CDK16: variants seen among roughly 807,000 people sequenced by gnomAD.
The protein encoded by CDK16 is cyclin-dependent kinase 16.
A neutral mutation model predicts 41.6 loss-of-function variants in CDK16; 2 were observed. The ratio of observed to expected loss-of-function variants is 0.05; its 90% CI spans 0.02 to 0.15. CDK16 has a LOEUF of 0.15. CDK16 is among the 10% of genes least tolerant of loss of function. The pLI is 1.00. For missense variants in CDK16, 228 were observed against 428.9 expected, an observed-to-expected ratio of 0.53 and a Z score of 4.14; for synonymous variants, 169 against 169.7, an observed-to-expected ratio of 1.00 and a Z score of 0.03.
rs765271897 is a variant in CDK16 at position 47,227,459 on chromosome X, A to G, written c.1365A>G (p.Lys455=). The change falls in exon 14 of 16, where the codon AAA becomes AAG. Residue 455 remains lysine (K), a synonymous_variant. Transcript: ENST00000357227. The part of the protein sequence containing the change: ...FFLSLGERIH[K]LPDTTSIFAL... ...TCAGTCTGGGGGAGCGGATCCACAA[A>G]CTTCCTGACAGTGAGTGGAGCTGGG... is the stretch of plus-strand genomic sequence containing the variant. The G allele has an allele frequency of 8.3e-7, 1 of 1,198,868 alleles. No individual in the cohort carries two copies. Among genetic ancestry groups the G allele is most frequent in the Admixed American group, 2.2e-5 (1 of 45,919 alleles).
chrX:47,219,095 C>T lies in CDK16; in HGVS notation c.-17C>T, dbSNP rs1937213779. 2 of 809,914 alleles carry T rather than the reference C, an allele frequency of 2.5e-6. No individual in the cohort carries two copies. The highest frequency in any genetic ancestry group is 1.4e-4 in the East Asian group (1 of 7,051). The allele number at this position is 809,914 out of a possible 1,213,427, so 66.7% of individuals were successfully genotyped here. A position where few individuals can be genotyped will look rare whatever the true frequency, so the allele number is the denominator to read the frequency against. ...CCCCGCGGCTCTGAGGTTGCTCGCG[C>T]GCCCCCGCCGGTGAGCGCGTCCCCG... On this transcript the variant is annotated 5_prime_UTR_variant, in exon 1 of 16. Coordinates refer to ENST00000357227, the MANE Select transcript of CDK16 (RefSeq NM_006201.5).
chrX:47,225,435 C>G (rs150592412), intron 6 of CDK16, among the ~76,000 whole-genome samples: 2 of 111,990 alleles, frequency 1.8e-5, no homozygotes, highest in African/African-American at 6.5e-5. Context: ...CGATTTCACG[C>G]GATGCTGCAG....
rs1361599346 is a variant in CDK16, at chrX:47,229,026, G to A, written c.*258G>A. Reference sequence around the variant, plus strand: ...TCTGTCTCTGTCTTGGTAGTTGCCGGTGGACAGCATGGCCGTGCCAGCCTC... The same window carrying A: ...TCTGTCTCTGTCTTGGTAGTTGCCGATGGACAGCATGGCCGTGCCAGCCTC... On this transcript the variant is annotated 3_prime_UTR_variant, in exon 16 of 16. Transcript: ENST00000357227. 1 of 458,760 alleles carries A rather than the reference G, an allele frequency of 2.2e-6. No individual in the cohort carries two copies. The highest frequency in any genetic ancestry group is 3.9e-6 in the Non-Finnish European group (1 of 253,750). The allele number at this position is 458,760 out of a possible 1,213,427, so 37.8% of individuals were successfully genotyped here. A position where few individuals can be genotyped will look rare whatever the true frequency, so the allele number is the denominator to read the frequency against.
chrX:47,225,111 C>G lies in CDK16; in HGVS notation c.634+9C>G, dbSNP rs748455901. 3.5e-6 allele frequency: 4 copies of G among 1,142,879 alleles called. No homozygotes were observed. The South Asian group carries it at 7.5e-5, about 21-fold the overall frequency. 94.2% of individuals were successfully genotyped at this position (1,142,879 alleles called of 1,213,427 possible). A position where few individuals can be genotyped will look rare whatever the true frequency, so the allele number is the denominator to read the frequency against. ...CACCGCCATCCGGGAAGGTACACAC[C>G]CCCATCCCATCTGCCCCAGGCTTCC... On this transcript the variant is annotated intron_variant, in intron 6 of 15. Transcript: ENST00000357227.
At position 47,220,438 on chromosome X, in the gene CDK16, C is replaced by T. The variant is rs186762262; in HGVS notation, c.-7+1333C>T. 1.6e-3 allele frequency among the ~76,000 whole-genome samples: 168 copies of T among 108,049 alleles called. 1 individual carries two copies. The highest frequency in any genetic ancestry group is 5.5e-3 in the African/African-American group (162 of 29,436). 93.8% of individuals were successfully genotyped at this position (108,049 alleles called of 115,157 possible). A position where few individuals can be genotyped will look rare whatever the true frequency, so the allele number is the denominator to read the frequency against. On this transcript the variant is annotated intron_variant, in intron 1 of 15. Transcript: ENST00000357227. ...AGAGGACAGGAATGTGTGATGATCT[C>T]GGTGTGCTAAAGTGGATTACAGCTA... is the stretch of plus-strand genomic sequence containing the variant.
intron 6 of CDK16, 131 bp from the exon 7 acceptor site, chrX:47,225,641 G>A (rs1444503278): frequency 8.5e-6 from 4 of 468,894 alleles, no homozygotes; most frequent in East Asian, 3.7e-5. Flanking sequence ...TGGTGGCTCC[G>A]AGGCATTACC....
upstream of CDK16, chrX:47,218,399 C>G (rs1937169895): frequency 2.5e-6 from 1 of 392,784 alleles, no homozygotes; most frequent in South Asian, 4.7e-5. Flanking sequence ...TGTCTTTTTT[C>G]CTCCTTGCAA....
intron 8 of CDK16, 49 bp from the exon 9 acceptor site, chrX:47,226,230 G>T (rs780066437): frequency 1.7e-6 from 2 of 1,206,234 alleles, no homozygotes; most frequent in Non-Finnish European, 2.2e-6. Context: ...GCTGGGGGTC[G>T]GGCTAGTGGA....
intron 14 of CDK16, chrX:47,227,743 G>A (rs2055257359): frequency 2.8e-6 from 1 of 351,952 alleles, no homozygotes; most frequent in Non-Finnish European, 4.9e-6. Flanking sequence ...GCTAAAAAAT[G>A]CACAAATCAT....
Position 47,218,816 on chromosome X carries a change from GCA to G in CDK16, c.-294_-293del, listed in dbSNP as rs1569222132. Reference sequence around the variant, plus strand: ...CGCTCTGTGCCGCGAGCCGCCGTGAGCACTCGGATTCAAGCCGGCGCCAACGA... The same window carrying G: ...CGCTCTGTGCCGCGAGCCGCCGTGAGCTCGGATTCAAGCCGGCGCCAACGA... On this transcript the variant is annotated 5_prime_UTR_variant, in exon 1 of 16. An upstream open reading frame in the 5' UTR gains an earlier in-frame stop. Transcript: ENST00000357227. The G allele has an allele frequency of 8.7e-7, 1 of 1,146,084 alleles. No homozygotes were observed. The highest frequency in any genetic ancestry group is 1.2e-6 in the Non-Finnish European group (1 of 866,904). The allele number at this position is 1,146,084 out of a possible 1,213,427, so 94.5% of individuals were successfully genotyped here. A position where few individuals can be genotyped will look rare whatever the true frequency, so the allele number is the denominator to read the frequency against.
At chrX:47,219,212 G>T (rs1210019796) in intron 1 of CDK16, 107 bp downstream of exon 1, 1 of 729,689 alleles carries the variant, frequency 1.4e-6, no homozygotes, top group South Asian at 6.1e-5. Flanking sequence ...CCCACCCCCG[G>T]CGAATTTCCC....
chrX:47,225,680 CT>C, intron 6 of CDK16, 91 bp from the exon 7 acceptor site: 1 of 656,138 alleles, frequency 1.5e-6, no homozygotes, highest in Non-Finnish European at 2.5e-6. Context: ...GAAAGAAAAC[CT>C]GGGCTTGTCC....
chrX:47,225,749 T>C, intron 6 of CDK16, 23 bp from the exon 7 acceptor site: 1 of 1,141,880 alleles, frequency 8.8e-7, no homozygotes, highest in Non-Finnish European at 1.2e-6. Flanking sequence ...TCTTCCCCTG[T>C]CCCACTCCCA....
chrX:47,224,540 G>GTGGAGGAAC, intron 3 of CDK16, 22 bp downstream of exon 3: 1 of 1,206,385 alleles, frequency 8.3e-7, no homozygotes, highest in Non-Finnish European at 1.1e-6. Context: ...CGTCTGGATG[G>GTGGAGGAAC]TGGAGGAACT....
chrX:47,223,445 G>A (rs1229150038), intron 1 of CDK16, 107 bp from the exon 2 acceptor site: 7 of 998,413 alleles, frequency 7.0e-6, no homozygotes, highest in Non-Finnish European at 9.6e-6. Flanking sequence ...AGTGAGCACT[G>A]ACAAGTTCAT....
At chrX:47,221,875 C>T in intron 1 of CDK16, among the ~76,000 whole-genome samples, 1 of 111,593 alleles carries the variant, frequency 9.0e-6, no homozygotes, top group Non-Finnish European at 1.9e-5. Context: ...TTCAAGGTAG[C>T]AGATGACCCA....
At chrX:47,222,952 T>TGCCCG in intron 1 of CDK16, 1 of 655,455 alleles carries the variant, frequency 1.5e-6, no homozygotes, top group Non-Finnish European at 1.9e-6. Context: ...TGACACACGC[T>TGCCCG]CCCCTCCCCC....
chrX:47,225,707 C>T (rs1344765124), intron 6 of CDK16, 65 bp from the exon 7 acceptor site: 1 of 837,806 alleles, frequency 1.2e-6, no homozygotes, highest in Non-Finnish European at 1.8e-6. Context: ...TAGTCCTTGT[C>T]CTCACCTCTG....
At position 47,229,301 on chromosome X, in the gene CDK16, T is replaced by C. The variant is rs1341668575; in HGVS notation, c.*533T>C. The C allele has an allele frequency of 4.5e-6, 1 of 223,395 alleles. No individual in the cohort carries two copies. The highest frequency in any genetic ancestry group is 8.3e-6 in the Non-Finnish European group (1 of 120,447). 18.4% of individuals were successfully genotyped at this position (223,395 alleles called of 1,213,427 possible). A position where few individuals can be genotyped will look rare whatever the true frequency, so the allele number is the denominator to read the frequency against. ...TAATTATTTTAAATGAGATTTTTGT[T>C]TTTTTTAAATGCAATATCTCTGTAT... On this transcript the variant is annotated 3_prime_UTR_variant, in exon 16 of 16. Transcript: ENST00000357227.
Sources: allele counts gnomAD v4.1 joint callset (sites outside exome capture counted in the v4.1 genomes callset), GRCh38; gene constraint gnomAD v4.1.1; transcripts MANE v1.5; gene names NCBI Gene and HGNC (gene_info 2026-07-23, HGNC 2026-07-21).